Variants in CACNA1E observed in about 807,000 individuals in gnomAD.
The protein encoded by CACNA1E is calcium voltage-gated channel subunit alpha1 E.
Under a neutral mutation model 259.2 loss-of-function variants are expected in CACNA1E, and 40 were observed. The observed-to-expected ratio is 0.15, with a 90% CI of 0.12 to 0.20. CACNA1E has a LOEUF of 0.20. CACNA1E is among the 10% of genes least tolerant of loss of function. The pLI, the probability that CACNA1E is intolerant of heterozygous loss-of-function variation, is 1.00. For missense variants in CACNA1E, 1,874 were observed against 3,040.1 expected, an observed-to-expected ratio of 0.62 and a Z score of 9.02; for synonymous variants, 1,104 against 1,138.5, an observed-to-expected ratio of 0.97 and a Z score of 0.61.
chr1:181,445,115 T>C (rs1660721985), intron 2 of CACNA1E, among the ~76,000 whole-genome samples: 1 of 152,202 alleles, frequency 6.6e-6, no homozygotes, highest in Non-Finnish European at 1.5e-5. Flanking sequence ...CTATACTTAT[T>C]TGTTTTCATG....
intron 1 of CACNA1E, among the ~76,000 whole-genome samples, chr1:181,409,814 C>T (rs1657720534): frequency 6.6e-6 from 1 of 152,210 alleles, no homozygotes; most frequent in Non-Finnish European, 1.5e-5. Context: ...GAGATAATTT[C>T]ATATTTTGAT....
intron 7 of CACNA1E, among the ~76,000 whole-genome samples, chr1:181,685,940 G>A (rs748952745): frequency 2.6e-4 from 39 of 152,144 alleles, no homozygotes; most frequent in Non-Finnish European, 5.0e-4. Flanking sequence ...AACTAACATT[G>A]GGTTTCATTT....
intron 1 of CACNA1E, among the ~76,000 whole-genome samples, chr1:181,353,769 A>G (rs1036462094): frequency 5.3e-5 from 8 of 152,224 alleles, no homozygotes; most frequent in African/African-American, 1.9e-4. Flanking sequence ...GAGTGGGAAC[A>G]TAGATAGATT....
intron 21 of CACNA1E, among the ~76,000 whole-genome samples, chr1:181,735,523 G>C (rs1480516623): frequency 6.6e-6 from 1 of 152,208 alleles, no homozygotes; most frequent in African/African-American, 2.4e-5. Flanking sequence ...TCAGCCTCCT[G>C]CCAGTTTAAC....
intron 25 of CACNA1E, among the ~76,000 whole-genome samples, chr1:181,747,435 C>T (rs1398967653): frequency 7.2e-6 from 1 of 138,128 alleles, no homozygotes; most frequent in East Asian, 2.1e-4. Flanking sequence ...ACTGATGAAA[C>T]AAGAAAAATC....
intron 1 of CACNA1E, among the ~76,000 whole-genome samples, chr1:181,382,819 C>T (rs746408591): frequency 3.9e-5 from 6 of 152,290 alleles, no homozygotes; most frequent in Middle Eastern, 6.8e-3. Flanking sequence ...GTGCTCTGCT[C>T]CAGCTGATCT....
intron 3 of CACNA1E, among the ~76,000 whole-genome samples, chr1:181,520,374 C>A (rs1666905318): frequency 1.3e-5 from 2 of 151,750 alleles, no homozygotes; most frequent in Non-Finnish European, 2.9e-5. Flanking sequence ...AATCAGTGAA[C>A]AATAATACCT....
At chr1:181,594,596 C>T (rs1652973704) in intron 6 of CACNA1E, among the ~76,000 whole-genome samples, 1 of 152,186 alleles carries the variant, frequency 6.6e-6, no homozygotes, top group Non-Finnish European at 1.5e-5. Flanking sequence ...CGGGGTTTCG[C>T]CATGTTGGCC....
At chr1:181,490,305 G>A (rs1424892395) in intron 1 of CACNA1E, among the ~76,000 whole-genome samples, 1 of 152,008 alleles carries the variant, frequency 6.6e-6, no homozygotes, top group Admixed American at 6.5e-5. Flanking sequence ...TACTTCTTAG[G>A]AGCTTCCTTT....
At chr1:181,342,432 AT>A (rs1371027644) in intron 1 of CACNA1E, among the ~76,000 whole-genome samples, 1 of 152,206 alleles carries the variant, frequency 6.6e-6, no homozygotes, top group African/African-American at 2.4e-5. Flanking sequence ...TAAAAAAAAA[AT>A]AACCCTGGGA....
intron 1 of CACNA1E, among the ~76,000 whole-genome samples, chr1:181,398,221 CTGAAGAGTCT>C (rs1656831993): frequency 6.6e-6 from 1 of 152,218 alleles, no homozygotes; most frequent in Non-Finnish European, 1.5e-5. Flanking sequence ...CCTTCCTTCT[CTGAAGAGTCT>C]TGACGTGCAA....
At chr1:181,793,194 C>T (rs545634333) in intron 44 of CACNA1E, among the ~76,000 whole-genome samples, 7 of 152,312 alleles carry the variant, frequency 4.6e-5, no homozygotes, top group Admixed American at 2.6e-4. Context: ...AAACTCTTAA[C>T]GTCACGTGTC....
At chr1:181,445,186 C>T (rs888496668) in intron 2 of CACNA1E, among the ~76,000 whole-genome samples, 1 of 152,188 alleles carries the variant, frequency 6.6e-6, no homozygotes, top group African/African-American at 2.4e-5. Context: ...TTTCTGAGCA[C>T]TAACCAATTC....
rs757416352 is a variant in CACNA1E at position 181,700,788 on chromosome 1, G to A, written c.1056-10166G>A. ...TAATTGCATCCCTGGAAAGGACAGC[G>A]AGTGGAAAGGCCAGGCTAGTCCTTC... On this transcript the variant is annotated intron_variant, in intron 7 of 47. Transcript: ENST00000367573. Among the ~76,000 whole-genome samples the A allele has an allele frequency of 1.2e-4, 19 of 152,202 alleles. 1 individual carries two copies. The highest frequency in any genetic ancestry group is 8.3e-4 in the South Asian group (4 of 4,828).
rs571567821 is a variant in CACNA1E, at chr1:181,610,952, T to G, written c.951+30176T>G. 3.3e-5 allele frequency among the ~76,000 whole-genome samples: 5 copies of G among 152,310 alleles called. No individual in the cohort carries two copies. In the East Asian group the frequency reaches 9.6e-4, roughly 29 times the overall value. On this transcript the variant is annotated intron_variant, in intron 6 of 47. Coordinates refer to ENST00000367573, the MANE Select transcript of CACNA1E (RefSeq NM_001205293.3). ...ATCTAACATTACTACAATTTTTTTT[T>G]CTTAAGATGGGGAAACAGAAGAGTT...
chr1:181,343,413 T>G (rs145361078), intron 1 of CACNA1E, among the ~76,000 whole-genome samples: 4 of 152,148 alleles, frequency 2.6e-5, no homozygotes, highest in Admixed American at 2.6e-4. Flanking sequence ...TCACGTGAGA[T>G]CTGGTTGTCC....
In CACNA1E at chr1:181,619,362, A is replaced by AAGGAGGGTGTCTAGAGACTGAGGG. The variant is rs369282037; in HGVS notation, c.952-31959_952-31958insCTGAGGGAGGAGGGTGTCTAGAGA. 1.6e-3 allele frequency among the ~76,000 whole-genome samples: 248 copies of AAGGAGGGTGTCTAGAGACTGAGGG among 152,220 alleles called. 5 individuals are homozygous for AAGGAGGGTGTCTAGAGACTGAGGG. The highest frequency in any genetic ancestry group is 5.8e-3 in the African/African-American group (241 of 41,522). The stretch of plus-strand genomic sequence containing the variant: ...AACAGCAAGTGTGAAGGCCCTGAGG[A>AAGGAGGGTGTCTAGAGACTGAGGG]AGGAGGGTGTCTAGAGAGGTCAGGG... On this transcript the variant is annotated intron_variant, in intron 6 of 47. Transcript: ENST00000367573.
chr1:181,586,514 G>T (rs1466919264), intron 6 of CACNA1E, among the ~76,000 whole-genome samples: 3 of 152,172 alleles, frequency 2.0e-5, no homozygotes, highest in African/African-American at 7.2e-5. Context: ...AGAAGGAGCA[G>T]TAGGGAGGTG....
At chr1:181,494,452 T>C (rs939527487) in intron 1 of CACNA1E, among the ~76,000 whole-genome samples, 6 of 152,190 alleles carry the variant, frequency 3.9e-5, no homozygotes, top group Non-Finnish European at 7.3e-5. Context: ...AGTTTAATTT[T>C]TGAATCTAGA....
Sources: gnomAD v4.1 joint callset for allele counts (sites outside exome capture counted in the v4.1 genomes callset) on GRCh38, gnomAD v4.1.1 for gene constraint, MANE v1.5 for transcripts, NCBI Gene and HGNC (gene_info 2026-07-23, HGNC 2026-07-21) for gene names.